KDELR2: variants seen among roughly 807,000 people sequenced by gnomAD.
The protein encoded by KDELR2 is KDEL endoplasmic reticulum protein retention receptor 2, also known as ER lumen protein-retaining receptor 2.
A neutral mutation model predicts 23.9 loss-of-function variants in KDELR2; 15 were observed. The ratio of observed to expected loss-of-function variants is 0.63; its 90% CI spans 0.42 to 0.97. KDELR2 has a LOEUF of 0.97. Ranked by LOEUF, KDELR2 falls within the 50% of genes least tolerant of loss-of-function variation. The pLI is 0.00. For synonymous variants in KDELR2, 119 were observed against 106.2 expected (o/e 1.12, Z -0.74); for missense variants, 272 against 254.6 (o/e 1.07, Z -0.46).
chr7:6,479,085 G>A (rs912038831), intron 1 of KDELR2, among the ~76,000 whole-genome samples: 10 of 151,992 alleles, frequency 6.6e-5, no homozygotes, highest in Non-Finnish European at 1.2e-4. Flanking sequence ...CACCGTGCTC[G>A]GCCATCTTTT....
In KDELR2 at chr7:6,461,728, A is replaced by T. The variant is rs1252932543; in HGVS notation, c.*1413T>A. ...AGAAGACGTTGTAATGCAGAAAGCCAAAATACTACATCCTTCTTGTAGTCA... is the reference window on the plus strand; with the variant it reads ...AGAAGACGTTGTAATGCAGAAAGCCTAAATACTACATCCTTCTTGTAGTCA... On this transcript the variant is annotated 3_prime_UTR_variant, in exon 5 of 5. Transcript: ENST00000258739. The T allele has an allele frequency of 6.6e-6, 1 of 151,684 alleles. No homozygotes were observed. The highest frequency in any genetic ancestry group is 2.4e-5 in the African/African-American group (1 of 41,294). The allele number at this position is 151,684 out of a possible 1,614,324, so 9.4% of individuals were successfully genotyped here.
chr7:6,468,659 C>T lies in KDELR2; in HGVS notation c.351+937G>A, dbSNP rs113965984. On this transcript the variant is annotated intron_variant, in intron 3 of 4. Transcript: ENST00000258739. Reference sequence around the variant, plus strand: ...TAACTGGGACTACAGGCGCCCGCCACCACGCCCAGCTAGTTTTTTGTATTT... The same window carrying T: ...TAACTGGGACTACAGGCGCCCGCCATCACGCCCAGCTAGTTTTTTGTATTT... 8.7e-3 allele frequency among the ~76,000 whole-genome samples: 1,317 copies of T among 152,166 alleles called. 23 individuals carry two copies. The highest frequency in any genetic ancestry group is 0.031 in the African/African-American group (1,279 of 41,512).
In KDELR2 at chr7:6,470,062, T is replaced by C. The variant is rs920187405; in HGVS notation, c.193-308A>G. 10 of 207,154 alleles carry C rather than the reference T, an allele frequency of 4.8e-5. No individual in the cohort carries two copies. In the Admixed American group the frequency reaches 5.0e-4, roughly 10 times the overall value. 12.8% of individuals were successfully genotyped at this position (207,154 alleles called of 1,614,324 possible). ...GCAGTGCAATCACACTTATGTTCTC[T>C]GTCCATAGTTTTGCCTTTTCTAGAA... On this transcript the variant is annotated intron_variant, in intron 2 of 4. Coordinates refer to ENST00000258739, the MANE Select transcript of KDELR2 (RefSeq NM_006854.4).
intron 2 of KDELR2, 28 bp from the exon 3 acceptor site, chr7:6,469,782 G>A (rs372740525): frequency 1.3e-6 from 2 of 1,583,278 alleles, no homozygotes; most frequent in Non-Finnish European, 1.7e-6. Flanking sequence ...AACACCAGGT[G>A]TCAATACCTT....
intron 1 of KDELR2, among the ~76,000 whole-genome samples, chr7:6,475,199 T>C (rs188264271): frequency 6.6e-6 from 1 of 152,178 alleles, no homozygotes; most frequent in East Asian, 1.9e-4. Context: ...TCTCCACATA[T>C]AGGGGGGCTA....
chr7:6,476,137 C>T (rs1785747089), intron 1 of KDELR2, among the ~76,000 whole-genome samples: 1 of 152,160 alleles, frequency 6.6e-6, no homozygotes, highest in Non-Finnish European at 1.5e-5. Flanking sequence ...TTGCAGCTTG[C>T]TGAAACTGAA....
rs868489885 is a variant in KDELR2 at position 6,471,000 on chromosome 7, C to T, written c.193-1246G>A. On this transcript the variant is annotated intron_variant, in intron 2 of 4. Coordinates refer to ENST00000258739, the MANE Select transcript of KDELR2 (RefSeq NM_006854.4). Reference sequence around the variant, plus strand: ...GGCGTGGTGGCGGGTGCCTATAGTTCCAGCTACTCAGGAGGCTGAGGCAGG... The same window carrying T: ...GGCGTGGTGGCGGGTGCCTATAGTTTCAGCTACTCAGGAGGCTGAGGCAGG... 4.0e-5 allele frequency among the ~76,000 whole-genome samples: 6 copies of T among 151,310 alleles called. No homozygotes were observed. The South Asian group carries it at 1.3e-3, about 32-fold the overall frequency.
chr7:6,483,867 G>T, intron 1 of KDELR2, 100 bp downstream of exon 1: 1 of 974,434 alleles, frequency 1.0e-6, no homozygotes, highest in Non-Finnish European at 1.3e-6. Context: ...TGTCGGGCCG[G>T]CGCAGGCCCC....
In KDELR2 at chr7:6,474,990, G is replaced by A. The variant is rs570335036; in HGVS notation, c.92-706C>T. Among the ~76,000 whole-genome samples the A allele has an allele frequency of 7.9e-5, 12 of 152,276 alleles. No homozygotes were observed. The South Asian group carries it at 1.5e-3, about 18-fold the overall frequency. On this transcript the variant is annotated intron_variant, in intron 1 of 4. Transcript: ENST00000258739. ...CCATGGTGAGAAATCTTTTGAGAAC[G>A]GAGATGGAGTCTACTGTCATTAAGG... is the stretch of plus-strand genomic sequence containing the variant.
rs1023442609 is a variant in KDELR2 at position 6,469,788 on chromosome 7, A to G, written c.193-34T>C. 3 of 1,562,544 alleles carry G rather than the reference A, an allele frequency of 1.9e-6. No homozygotes were observed. The Admixed American group carries it at 5.8e-5, about 30-fold the overall frequency. On this transcript the variant is annotated intron_variant, in intron 2 of 4. Transcript: ENST00000258739. Reference sequence around the variant, plus strand: ...AAAAGAAAAAACACCAGGTGTCAATACCTTGCCACTGTTCCAGCACCCCCC... The same window carrying G: ...AAAAGAAAAAACACCAGGTGTCAATGCCTTGCCACTGTTCCAGCACCCCCC...
chr7:6,463,282 G>C (rs1458707400), intron 4 of KDELR2, 107 bp from the exon 5 acceptor site: 3 of 824,668 alleles, frequency 3.6e-6, no homozygotes, highest in Non-Finnish European at 5.8e-6. Context: ...ATTCTACATA[G>C]TAAGGTATAG....
At chr7:6,476,204 C>CACAT (rs1785748825) in intron 1 of KDELR2, among the ~76,000 whole-genome samples, 1 of 152,202 alleles carries the variant, frequency 6.6e-6, no homozygotes, top group African/African-American at 2.4e-5. Flanking sequence ...TCAGCCTATT[C>CACAT]ACATACACAT....
intron 1 of KDELR2, chr7:6,482,601 A>C: frequency 2.1e-6 from 1 of 470,400 alleles, no homozygotes; most frequent in South Asian, 1.6e-5. Context: ...TGCAGACAGC[A>C]GATTCAGAGA....
chr7:6,477,153 T>C (rs1403782), intron 1 of KDELR2, among the ~76,000 whole-genome samples: 135,244 of 152,220 alleles, frequency 0.89, 60,533 homozygotes, highest in Non-Finnish European at 0.92. Context: ...AGCTAGAGGG[T>C]GAGAGAGCCC....
In KDELR2 at chr7:6,484,152, C is replaced by G. The variant is rs1442214308; in HGVS notation, c.-95G>C. On this transcript the variant is annotated 5_prime_UTR_variant, in exon 1 of 5. Coordinates refer to ENST00000258739, the MANE Select transcript of KDELR2 (RefSeq NM_006854.4). ...CCCTGAGAGGAAGCGGCGAAGATGGCGAGATCGCCCGCGACGTGGCCAGGG... is the reference window on the plus strand; with the variant it reads ...CCCTGAGAGGAAGCGGCGAAGATGGGGAGATCGCCCGCGACGTGGCCAGGG... 4.0e-6 allele frequency: 4 copies of G among 1,010,620 alleles called. No individual in the cohort carries two copies. The highest frequency in any genetic ancestry group is 1.7e-5 in the African/African-American group (1 of 58,338). 62.6% of individuals were successfully genotyped at this position (1,010,620 alleles called of 1,614,324 possible).
rs1220909194 is a variant in KDELR2 at position 6,471,134 on chromosome 7, T to A, written c.193-1380A>T. On this transcript the variant is annotated intron_variant, in intron 2 of 4. Transcript: ENST00000258739. ...TGTCTCAAAAAAAATAAAAAATAAA[T>A]AAATAAATAAATAAATAAATGTATA... 5.9e-5 allele frequency among the ~76,000 whole-genome samples: 8 copies of A among 136,138 alleles called. No individual in the cohort carries two copies. The East Asian group carries it at 6.5e-4, about 11-fold the overall frequency. 89.3% of individuals were successfully genotyped at this position (136,138 alleles called of 152,430 possible).
intron 3 of KDELR2, 117 bp from the exon 4 acceptor site, chr7:6,466,440 C>T (rs895772824): frequency 1.3e-5 from 17 of 1,297,618 alleles, no homozygotes; most frequent in South Asian, 2.8e-5. Context: ...TGGGGCATGT[C>T]GGCCCAAAAT....
intron 4 of KDELR2, among the ~76,000 whole-genome samples, chr7:6,464,197 C>CAAA (rs758537707): frequency 5.2e-5 from 2 of 38,764 alleles, no homozygotes; most frequent in African/African-American, 1.4e-4. Context: ...AACTCTGTCT[C>CAAA]AAAAAAAAAA....
At position 6,483,952 on chromosome 7, in the gene KDELR2, TC is replaced by T; in HGVS notation, c.91+14del. 4 of 1,495,002 alleles carry T rather than the reference TC, an allele frequency of 2.7e-6. No individual in the cohort carries two copies. Among genetic ancestry groups the T allele is most frequent in the Non-Finnish European group, 2.7e-6 (3 of 1,117,930 alleles). The allele number at this position is 1,495,002 out of a possible 1,614,324, so 92.6% of individuals were successfully genotyped here. ...CCCACGCCCGAGCCTCTCCGGGCCT[TC>T]CCCCGCCGCTCACCGGCGCAGGAGC... On this transcript the variant is annotated intron_variant, in intron 1 of 4. Transcript: ENST00000258739.
Sources: gnomAD v4.1 joint callset for allele counts (sites outside exome capture counted in the v4.1 genomes callset) on GRCh38, gnomAD v4.1.1 for gene constraint, MANE v1.5 for transcripts, NCBI Gene and HGNC (gene_info 2026-07-23, HGNC 2026-07-21) for gene names.